Variants in PARL observed in about 807,000 individuals in gnomAD.
PARL encodes presenilin-associated rhomboid-like protein, mitochondrial.
Under a neutral mutation model 51.6 loss-of-function variants are expected in PARL, and 44 were observed. The ratio of observed to expected loss-of-function variants is 0.85; its 90% CI spans 0.67 to 1.10. PARL has a LOEUF of 1.10. PARL is among the 50% of genes least tolerant of loss of function. PARL has a pLI of 0.00. For synonymous variants in PARL, 172 were observed against 164.0 expected (o/e 1.05, Z -0.37); for missense variants, 441 against 469.5 (o/e 0.94, Z 0.56).
chr3:183,867,750 C>A (rs1266454246), intron 2 of PARL, 115 bp downstream of exon 2: 1 of 778,946 alleles, frequency 1.3e-6, no homozygotes, highest in Non-Finnish European at 2.3e-6. Flanking sequence ...ATGAGCCCAG[C>A]TCTTTTTGAT....
At chr3:183,883,378 C>T (rs1051545901) in intron 1 of PARL, among the ~76,000 whole-genome samples, 8 of 152,218 alleles carry the variant, frequency 5.3e-5, no homozygotes, top group Non-Finnish European at 1.2e-4. Context: ...AAGCCATTCT[C>T]CTGCCTCAGG....
chr3:183,840,749 C>T (rs1435552102), intron 6 of PARL, 109 bp from the exon 7 acceptor site: 17 of 635,442 alleles, frequency 2.7e-5, no homozygotes, highest in African/African-American at 1.7e-4. Flanking sequence ...TCTTTCGCCC[C>T]GGCTGCTGAA....
chr3:183,882,657 A>T, intron 1 of PARL, among the ~76,000 whole-genome samples: 1 of 152,184 alleles, frequency 6.6e-6, no homozygotes, highest in East Asian at 1.9e-4. Flanking sequence ...GTAAAAGGCC[A>T]GATAGAAGAT....
At chr3:183,836,776 C>T (rs116078838) in intron 7 of PARL, among the ~76,000 whole-genome samples, 185 of 152,250 alleles carry the variant, frequency 1.2e-3, no homozygotes, top group Non-Finnish European at 2.0e-3. Flanking sequence ...GACAGAGTCT[C>T]GCTATTGCCC....
chr3:183,868,494 T>G (rs1310855923), intron 1 of PARL, among the ~76,000 whole-genome samples: 1 of 152,082 alleles, frequency 6.6e-6, no homozygotes, highest in East Asian at 1.9e-4. Context: ...CACTGCAGCC[T>G]CCACGTCTCA....
intron 4 of PARL, among the ~76,000 whole-genome samples, chr3:183,854,748 TA>T (rs34427562): frequency 3.4e-3 from 454 of 132,412 alleles, no homozygotes; most frequent in Middle Eastern, 7.8e-3. Context: ...TTTTTACAAT[TA>T]AAAAAAAAAA....
intron 1 of PARL, among the ~76,000 whole-genome samples, chr3:183,876,610 TAAAAAA>T (rs576376716): frequency 6.4e-4 from 59 of 91,806 alleles, no homozygotes; most frequent in African/African-American, 2.4e-3. Flanking sequence ...ATACATTTTG[TAAAAAA>T]AAAAAAAAAA....
At chr3:183,849,564 C>A (rs1730325424) in intron 4 of PARL, among the ~76,000 whole-genome samples, 1 of 151,624 alleles carries the variant, frequency 6.6e-6, no homozygotes, top group Non-Finnish European at 1.5e-5. Flanking sequence ...GATCTCAATT[C>A]AATAATCTAA....
At chr3:183,845,984 A>G (rs905244742) in intron 4 of PARL, among the ~76,000 whole-genome samples, 1 of 152,124 alleles carries the variant, frequency 6.6e-6, no homozygotes, top group Non-Finnish European at 1.5e-5. Flanking sequence ...GGTTCAAGGC[A>G]AAGAGAGCAA....
intron 3 of PARL, among the ~76,000 whole-genome samples, chr3:183,864,332 G>A (rs1263269944): frequency 6.6e-6 from 1 of 152,038 alleles, no homozygotes; most frequent in Non-Finnish European, 1.5e-5. Context: ...ACTGTTCCAA[G>A]GAAGGGGAAA....
chr3:183,882,287 A>ATATATT (rs1560442616), intron 1 of PARL, among the ~76,000 whole-genome samples: 1 of 113,132 alleles, frequency 8.8e-6, no homozygotes, highest in Non-Finnish European at 1.9e-5. Context: ...ATATATACAC[A>ATATATT]CACACATATA....
chr3:183,868,096 G>C, intron 1 of PARL, 36 bp from the exon 2 acceptor site: 2 of 1,475,794 alleles, frequency 1.4e-6, no homozygotes, highest in South Asian at 1.1e-5. Context: ...AAACACAGTA[G>C]CGTCTTGCAA....
chr3:183,856,968 G>GT (rs1455326603), intron 4 of PARL, among the ~76,000 whole-genome samples: 2 of 152,286 alleles, frequency 1.3e-5, no homozygotes, highest in African/African-American at 4.8e-5. Context: ...TTTCACTGTA[G>GT]TAATATTCAT....
At position 183,867,924 on chromosome 3, in the gene PARL, A is replaced by G. The variant is rs1026891596; in HGVS notation, c.262T>C (p.Phe88Leu). Residue 88 changes from phenylalanine to leucine, a missense_variant, in exon 2 of 10, where the codon TTT (phenylalanine) becomes CTT (leucine). Physicochemically the swap from Phe to Leu is conservative, Grantham distance 22. Transcript: ENST00000317096. ...ALIPPVEETV[F>L]YPSPYPIRSL... ...CTTATAGGATAGGGAGAAGGATAAA[A>G]GACTGTTTCTTCCACAGGAGGAATC... is the stretch of plus-strand genomic sequence containing the variant. 8 of 1,613,886 alleles carry G rather than the reference A, an allele frequency of 5.0e-6. No homozygotes were observed. Among genetic ancestry groups the G allele is most frequent in the Admixed American group, 1.7e-5 (1 of 60,010 alleles).
chr3:183,841,875 A>G (rs1176689329), intron 6 of PARL, among the ~76,000 whole-genome samples: 2 of 152,198 alleles, frequency 1.3e-5, no homozygotes, highest in South Asian at 2.1e-4. Flanking sequence ...TGAACTGAAC[A>G]CACTGGGGGA....
At chr3:183,828,667 A>C (rs1727596606), downstream of PARL, among the ~76,000 whole-genome samples, 1 of 152,076 alleles carries the variant, frequency 6.6e-6, no homozygotes, top group African/African-American at 2.4e-5. Context: ...TCCTTTTCCA[A>C]AGCCGCCATT....
intron 1 of PARL, among the ~76,000 whole-genome samples, chr3:183,882,241 A>ATT (rs1443676020): frequency 7.9e-4 from 18 of 22,920 alleles, no homozygotes; most frequent in Non-Finnish European, 1.5e-3. Flanking sequence ...ATATATATAT[A>ATT]TATTTATATA....
chr3:183,849,278 T>C (rs186749425), intron 4 of PARL, among the ~76,000 whole-genome samples: 5 of 152,294 alleles, frequency 3.3e-5, no homozygotes, highest in Non-Finnish European at 7.4e-5. Flanking sequence ...ATATGTTCAG[T>C]CACAAAACAA....
At chr3:183,827,669 G>A (rs916492765), downstream of PARL, among the ~76,000 whole-genome samples, 5 of 152,114 alleles carry the variant, frequency 3.3e-5, no homozygotes, top group Non-Finnish European at 5.9e-5. Flanking sequence ...GGGAGATCTC[G>A]AATGGCTCCG....
Sources: allele counts gnomAD v4.1 joint callset (sites outside exome capture counted in the v4.1 genomes callset), GRCh38; gene constraint gnomAD v4.1.1; transcripts MANE v1.5; gene names NCBI Gene and HGNC (gene_info 2026-07-23, HGNC 2026-07-21).